KCNMA1: variants seen among roughly 807,000 people sequenced by gnomAD.
The protein encoded by KCNMA1 is potassium calcium-activated channel subfamily M alpha 1, also known as Calcium-activated potassium channel subunit alpha-1.
In KCNMA1, 29 loss-of-function variants were observed where a neutral mutation model predicts 140.0. The observed-to-expected ratio is 0.21, with a 90% CI of 0.15 to 0.28. The LOEUF is 0.28. KCNMA1 is among the 10% of genes least tolerant of loss of function. KCNMA1 has a pLI of 1.00. For missense variants in KCNMA1, 880 were observed against 1,602.2 expected, an observed-to-expected ratio of 0.55 and a Z score of 7.70; for synonymous variants, 612 against 611.9, an observed-to-expected ratio of 1.00 and a Z score of 0.00.
chr10:77,550,259 T>C (rs1315090119), intron 1 of KCNMA1, among the ~76,000 whole-genome samples: 1 of 152,156 alleles, frequency 6.6e-6, no homozygotes, highest in African/African-American at 2.4e-5. Flanking sequence ...AGTGGGATCA[T>C]CTTCCCCTAG....
At chr10:77,568,367 A>G (rs1412811461) in intron 1 of KCNMA1, among the ~76,000 whole-genome samples, 1 of 152,236 alleles carries the variant, frequency 6.6e-6, no homozygotes, top group African/African-American at 2.4e-5. Flanking sequence ...CCAGCAGCAC[A>G]TCAAAAAGCT....
intron 19 of KCNMA1, among the ~76,000 whole-genome samples, chr10:76,996,829 G>A (rs1401855125): frequency 6.6e-6 from 1 of 152,190 alleles, no homozygotes; most frequent in Admixed American, 6.5e-5. Context: ...AGTAAAATAA[G>A]CAAATAGAAT....
chr10:77,383,752 A>T (rs1312858511), intron 2 of KCNMA1, among the ~76,000 whole-genome samples: 1 of 152,144 alleles, frequency 6.6e-6, no homozygotes, highest in Non-Finnish European at 1.5e-5. Context: ...GTGCACTGGC[A>T]TGATCATAGC....
At chr10:77,393,805 A>G (rs1024974536) in intron 2 of KCNMA1, among the ~76,000 whole-genome samples, 1 of 152,252 alleles carries the variant, frequency 6.6e-6, no homozygotes, top group Admixed American at 6.5e-5. Context: ...GCTCTAGTTC[A>G]GATCATGATG....
intron 23 of KCNMA1, among the ~76,000 whole-genome samples, chr10:76,944,094 A>AT (rs1168931444): frequency 6.6e-6 from 1 of 152,164 alleles, no homozygotes; most frequent in Non-Finnish European, 1.5e-5. Flanking sequence ...TACAGAGGTC[A>AT]TTTTTTATGA....
chr10:77,459,339 T>C (rs2097814855), intron 1 of KCNMA1, among the ~76,000 whole-genome samples: 1 of 152,242 alleles, frequency 6.6e-6, no homozygotes, highest in Non-Finnish European at 1.5e-5. Context: ...CCATTCTCCC[T>C]GGAGACAACA....
intron 2 of KCNMA1, among the ~76,000 whole-genome samples, chr10:77,349,628 C>T (rs2092625045): frequency 6.6e-6 from 1 of 152,114 alleles, no homozygotes; most frequent in Non-Finnish European, 1.5e-5. Flanking sequence ...AACTTATCAG[C>T]AGTTCTTTTG....
intron 1 of KCNMA1, among the ~76,000 whole-genome samples, chr10:77,590,363 C>A (rs916794954): frequency 4.6e-5 from 7 of 152,344 alleles, no homozygotes; most frequent in Middle Eastern, 3.4e-3. Context: ...TCGGGCAGCA[C>A]AGGAGCCCAC....
At chr10:77,130,235 C>T (rs560481575) in intron 5 of KCNMA1, among the ~76,000 whole-genome samples, 1 of 152,156 alleles carries the variant, frequency 6.6e-6, no homozygotes, top group East Asian at 1.9e-4. Flanking sequence ...AGTATTCACA[C>T]AACCATTCTG....
chr10:77,003,985 T>C (rs2087454805), intron 18 of KCNMA1, among the ~76,000 whole-genome samples: 1 of 152,136 alleles, frequency 6.6e-6, no homozygotes, highest in South Asian at 2.1e-4. Flanking sequence ...GACCATGCAT[T>C]GTTCTAAAAT....
chr10:77,181,592 T>C (rs187968027), intron 5 of KCNMA1, among the ~76,000 whole-genome samples: 74 of 152,246 alleles, frequency 4.9e-4, no homozygotes, highest in Admixed American at 3.0e-3. Flanking sequence ...GTAAAGAAAA[T>C]TGAGCTCCCA....
chr10:77,346,334 T>G (rs187022938), intron 2 of KCNMA1, among the ~76,000 whole-genome samples: 190 of 152,316 alleles, frequency 1.2e-3, no homozygotes, highest in African/African-American at 2.0e-3. Flanking sequence ...CCCTTGATTC[T>G]GAAAGCCAAT....
chr10:77,182,448 C>A (rs200595033), intron 5 of KCNMA1, among the ~76,000 whole-genome samples: 1 of 152,146 alleles, frequency 6.6e-6, no homozygotes, highest in African/African-American at 2.4e-5. Flanking sequence ...TATACAAACA[C>A]CACCATCTCT....
At chr10:77,186,378 C>CAA (rs57385699) in intron 3 of KCNMA1, among the ~76,000 whole-genome samples, 23,846 of 147,886 alleles carry the variant, frequency 0.16, 2,329 homozygotes, top group Middle Eastern at 0.22. Flanking sequence ...AAACAAAAAA[C>CAA]AAAAAAAAAC....
At chr10:77,563,888 T>C (rs938537533) in intron 1 of KCNMA1, among the ~76,000 whole-genome samples, 2 of 152,214 alleles carry the variant, frequency 1.3e-5, no homozygotes, top group Non-Finnish European at 2.9e-5. Flanking sequence ...TGTGTGCCCA[T>C]AAGCAAGTCG....
chr10:77,001,703 TCTTGACC>T, intron 18 of KCNMA1, 123 bp from the exon 19 acceptor site: 4 of 733,594 alleles, frequency 5.5e-6, no homozygotes, highest in Admixed American at 2.9e-5. Flanking sequence ...ACTTTAACAG[TCTTGACC>T]CAGAAAAAAA....
intron 2 of KCNMA1, among the ~76,000 whole-genome samples, chr10:77,388,445 A>T (rs1282128975): frequency 6.6e-6 from 1 of 152,200 alleles, no homozygotes; most frequent in African/African-American, 2.4e-5. Context: ...GGGAAGTTCA[A>T]AGACGTTTAA....
intron 2 of KCNMA1, among the ~76,000 whole-genome samples, chr10:77,402,174 A>C (rs1447264400): frequency 6.6e-6 from 1 of 152,176 alleles, no homozygotes; most frequent in African/African-American, 2.4e-5. Context: ...CAGACTCAGA[A>C]TTCAACCTCT....
chr10:77,085,056 A>G (rs575329466), intron 11 of KCNMA1, among the ~76,000 whole-genome samples: 1 of 152,276 alleles, frequency 6.6e-6, no homozygotes, highest in African/African-American at 2.4e-5. Context: ...TTTCTCAACC[A>G]TCTGCACCAT....
Sources: gnomAD v4.1 joint callset for allele counts (sites outside exome capture counted in the v4.1 genomes callset) on GRCh38, gnomAD v4.1.1 for gene constraint, MANE v1.5 for transcripts, NCBI Gene and HGNC (gene_info 2026-07-23, HGNC 2026-07-21) for gene names.